CHD4: variants seen among roughly 807,000 people sequenced by gnomAD.
CHD4 encodes the protein ATP-dependent chromatin remodeler CHD4.
CHD4 carries 35 observed loss-of-function variants against 235.5 expected under a neutral mutation model. That is an observed-to-expected ratio of 0.15 (90% CI 0.11 to 0.20). The LOEUF is 0.20. Ranked by LOEUF, CHD4 falls within the 10% of genes least tolerant of loss-of-function variation. The pLI is 1.00. For missense variants in CHD4, 1,329 were observed against 2,432.3 expected (o/e 0.55, Z 9.54); for synonymous variants, 900 against 850.2 (o/e 1.06, Z -1.02).
At chr12:6,592,372 C>T (rs1231801854) in intron 19 of CHD4, 21 bp downstream of exon 19, 15 of 1,563,308 alleles carry the variant, frequency 9.6e-6, no homozygotes, top group African/African-American at 1.4e-5. Flanking sequence ...ATGGAGTCTG[C>T]TTCTGTCCCT....
In CHD4 at chr12:6,598,360, G is replaced by A. The variant is rs11539543; in HGVS notation, c.1548C>T (p.Pro516=). The A allele has an allele frequency of 0.15, 240,966 of 1,613,668 alleles. 18,945 individuals are homozygous for A. The highest frequency in any genetic ancestry group is 0.16 in the Non-Finnish European group (190,618 of 1,179,754). Residue 516 remains proline (P), a synonymous_variant, in exon 11 of 40, where the codon CCC becomes CCT. Transcript: ENST00000544040. ...CATCTGGAGGCCGAGGCACTGGTGT[G>A]GGAGATGGTGGCTGACCCCACTTCC... The part of the protein sequence containing the change: ...LIWKWGQPPS[P]TPVPRPPDAD...
intron 25 of CHD4, 61 bp from the exon 26 acceptor site, chr12:6,583,439 G>A: frequency 1.4e-6 from 2 of 1,436,152 alleles, no homozygotes; most frequent in Non-Finnish European, 1.9e-6. Flanking sequence ...AGCTACCCCT[G>A]GTCCTCACAG....
Position 6,598,107 on chromosome 12 carries a change from C to T in CHD4, c.1687-8G>A, listed in dbSNP as rs766780672. ...CTGACAGTGCAGCTCCAGCTTTGAG[C>T]GGAAAGAGAAAATCAGCCACCAAGA... On this transcript the variant is annotated splice_polypyrimidine_tract_variant and splice_region_variant and intron_variant, in intron 11 of 39. Coordinates refer to ENST00000544040, the MANE Select transcript of CHD4 (RefSeq NM_001273.5). 2.0e-5 allele frequency: 33 copies of T among 1,613,858 alleles called. No homozygotes were observed. The South Asian group carries it at 3.2e-4, about 16-fold the overall frequency.
chr12:6,592,647 A>G lies in CHD4; in HGVS notation c.2774+49T>C, dbSNP rs759264991. The G allele has an allele frequency of 3.1e-6, 5 of 1,592,968 alleles. No individual in the cohort carries two copies. In the African/African-American group the frequency reaches 5.4e-5, roughly 17 times the overall value. Reference sequence around the variant, plus strand: ...GTGATACAGGAAATGGGCAACAGGAAGAATGAGAGGCACAATTATGAGCCG... The same window carrying G: ...GTGATACAGGAAATGGGCAACAGGAGGAATGAGAGGCACAATTATGAGCCG... On this transcript the variant is annotated intron_variant, in intron 18 of 39. Coordinates refer to ENST00000544040, the MANE Select transcript of CHD4 (RefSeq NM_001273.5).
intron 25 of CHD4, among the ~76,000 whole-genome samples, chr12:6,586,325 C>T (rs1386731298): frequency 1.3e-5 from 2 of 151,950 alleles, no homozygotes; most frequent in East Asian, 3.9e-4. Context: ...GGCATGAACC[C>T]GGGAGGCAGA....
intron 25 of CHD4, among the ~76,000 whole-genome samples, chr12:6,585,418 G>C (rs1197239593): frequency 6.6e-6 from 1 of 151,568 alleles, no homozygotes; most frequent in African/African-American, 2.4e-5. Context: ...CGAATAGCTG[G>C]GACTACAGGC....
Position 6,591,839 on chromosome 12 carries a change from C to T in CHD4, c.3091-14G>A, listed in dbSNP as rs759584456. The T allele has an allele frequency of 2.5e-6, 4 of 1,613,326 alleles. No homozygotes were observed. The highest frequency in any genetic ancestry group is 1.6e-4 in the Middle Eastern group (1 of 6,078). ...CTTAGGAGCTTCCTGAGAACAAATG[C>T]AAAGAAAAAAGTATTAAAAGAAAGC... On this transcript the variant is annotated splice_polypyrimidine_tract_variant and intron_variant, in intron 20 of 39. Transcript: ENST00000544040.
At chr12:6,606,242 T>C (rs776762420) in intron 2 of CHD4, 32 bp downstream of exon 2, 15 of 1,440,782 alleles carry the variant, frequency 1.0e-5, no homozygotes, top group Non-Finnish European at 1.4e-5. Context: ...AGATGTCTCC[T>C]TCCCGCCATG....
intron 25 of CHD4, among the ~76,000 whole-genome samples, chr12:6,586,449 G>A (rs1206320674): frequency 7.2e-5 from 11 of 152,010 alleles, no homozygotes; most frequent in African/African-American, 2.2e-4. Context: ...AGGAGGCCTG[G>A]TGTGGTGGCT....
chr12:6,599,730 TACACTTTCCC>T (rs1948558001), intron 10 of CHD4, 33 bp downstream of exon 10: 1 of 1,613,142 alleles, frequency 6.2e-7, no homozygotes, highest in Non-Finnish European at 8.5e-7. Flanking sequence ...TAGAAAAGAC[TACACTTTCCC>T]ATTTTTTGCC....
At chr12:6,603,474 G>A (rs1052821168) in intron 2 of CHD4, among the ~76,000 whole-genome samples, 1 of 148,602 alleles carries the variant, frequency 6.7e-6, no homozygotes, top group Non-Finnish European at 1.5e-5. Flanking sequence ...AATGGCTCCT[G>A]ACCGCAGAAG....
chr12:6,571,147 CT>C, intron 38 of CHD4, 115 bp from the exon 39 acceptor site: 1 of 1,205,866 alleles, frequency 8.3e-7, no homozygotes, highest in South Asian at 1.4e-5. Flanking sequence ...GATGTATTGT[CT>C]TCTGTCATCT....
chr12:6,591,666 T>TCC, intron 21 of CHD4, 28 bp downstream of exon 21: 1 of 1,614,136 alleles, frequency 6.2e-7, no homozygotes, highest in Non-Finnish European at 8.5e-7. Context: ...CTATGACTGT[T>TCC]CCCTAAAGCT....
rs774774023 is a variant in CHD4 at position 6,606,424 on chromosome 12, C to T, written c.-51G>A. 2.3e-6 allele frequency: 3 copies of T among 1,286,408 alleles called. No homozygotes were observed. The highest frequency in any genetic ancestry group is 1.1e-6 in the Non-Finnish European group (1 of 916,904). 79.7% of individuals were successfully genotyped at this position (1,286,408 alleles called of 1,614,324 possible). Reference sequence around the variant, plus strand: ...TGGCCCAGCTGCTCCTGCCGGCGGCCTGAGGACCTCTACACTGGCCCGAGT... The same window carrying T: ...TGGCCCAGCTGCTCCTGCCGGCGGCTTGAGGACCTCTACACTGGCCCGAGT... On this transcript the variant is annotated 5_prime_UTR_variant, in exon 2 of 40. Transcript: ENST00000544040.
chr12:6,575,449 C>CAAAA (rs201602922), intron 37 of CHD4, among the ~76,000 whole-genome samples: 1 of 58,522 alleles, frequency 1.7e-5, no homozygotes, highest in Non-Finnish European at 4.0e-5. Flanking sequence ...GACTTTGTCT[C>CAAAA]AAAAAAAAAA....
At chr12:6,603,576 G>C (rs1169233433) in intron 2 of CHD4, among the ~76,000 whole-genome samples, 8 of 151,590 alleles carry the variant, frequency 5.3e-5, no homozygotes, top group Non-Finnish European at 1.0e-4. Flanking sequence ...CGGGGGGGGA[G>C]ACTGCCCTCA....
chr12:6,579,898 T>A (rs1948146948), intron 33 of CHD4, among the ~76,000 whole-genome samples: 1 of 145,418 alleles, frequency 6.9e-6, no homozygotes. Context: ...CTACTAAAAA[T>A]ACAAAAAATT....
chr12:6,605,848 C>A (rs1948686214), intron 2 of CHD4, among the ~76,000 whole-genome samples: 1 of 152,200 alleles, frequency 6.6e-6, no homozygotes. Context: ...TCCCTCTTTC[C>A]TTTCCACAGC....
At position 6,592,325 on chromosome 12, in the gene CHD4, G is replaced by C. The variant is rs1592274000; in HGVS notation, c.2948+68C>G. ...AGATGCCTTGAAGCTGAGTGGGGGA[G>C]GAATAGGAAACACTCTGCAGACTGG... On this transcript the variant is annotated intron_variant, in intron 19 of 39. Coordinates refer to ENST00000544040, the MANE Select transcript of CHD4 (RefSeq NM_001273.5). The C allele has an allele frequency of 5.3e-6, 8 of 1,510,634 alleles. No homozygotes were observed. The South Asian group carries it at 8.1e-5, about 15-fold the overall frequency. 93.6% of individuals were successfully genotyped at this position (1,510,634 alleles called of 1,614,324 possible).
Sources: gnomAD v4.1 joint callset for allele counts (sites outside exome capture counted in the v4.1 genomes callset) on GRCh38, gnomAD v4.1.1 for gene constraint, MANE v1.5 for transcripts, NCBI Gene and HGNC (gene_info 2026-07-23, HGNC 2026-07-21) for gene names.